The following MAP3K3 variants were observed in gnomAD, a reference collection of about 807,000 sequenced individuals.
MAP3K3 encodes MAP/ERK kinase kinase 3.
MAP3K3 carries 12 observed loss-of-function variants against 80.9 expected under a neutral mutation model. The observed-to-expected ratio is 0.15, with a 90% CI of 0.10 to 0.24. MAP3K3 has a LOEUF of 0.24. Among genes scored for constraint, MAP3K3 ranks in the 10% least tolerant of loss-of-function variants. The pLI, the probability that MAP3K3 is intolerant of heterozygous loss-of-function variation, is 1.00. For synonymous variants in MAP3K3, 272 were observed against 307.1 expected, an observed-to-expected ratio of 0.89 and a Z score of 1.19; for missense variants, 596 against 834.7, an observed-to-expected ratio of 0.71 and a Z score of 3.52.
chr17:63,682,993 A>G (rs189068991), intron 7 of MAP3K3, among the ~76,000 whole-genome samples: 20 of 152,308 alleles, frequency 1.3e-4, no homozygotes, highest in African/African-American at 4.6e-4. Flanking sequence ...GCAAATGGCA[A>G]TTTGGCTTAG....
chr17:63,652,757 C>T, intron 4 of MAP3K3, 101 bp downstream of exon 4: 1 of 724,060 alleles, frequency 1.4e-6, no homozygotes, highest in Non-Finnish European at 2.3e-6. Context: ...CTAATATCAT[C>T]TGCAGGTTTT....
intron 7 of MAP3K3, among the ~76,000 whole-genome samples, chr17:63,684,170 C>T (rs571904786): frequency 3.5e-4 from 53 of 152,130 alleles, no homozygotes; most frequent in Non-Finnish European, 7.4e-4. Flanking sequence ...AATGCTAGCA[C>T]AATGTAACGT....
Position 63,685,543 on chromosome 17 carries a change from A to G in MAP3K3, c.663A>G (p.Glu221=). The G allele has an allele frequency of 3.1e-6, 5 of 1,614,226 alleles. No individual in the cohort carries two copies. Among genetic ancestry groups the G allele is most frequent in the Non-Finnish European group, 4.2e-6 (5 of 1,180,026 alleles). ...QCMLDPLSSA[E]NSLSGSCQSL... The stretch of plus-strand genomic sequence containing the variant: ...TGCTGGATCCCCTGAGCAGTGCAGA[A>G]AATTCCTTGTCTGGAAGCTGCCAAT... Residue 221 remains glutamate, a synonymous_variant, in exon 8 of 16, where the codon GAA becomes GAG. Transcript: ENST00000361733.
chr17:63,674,956 C>A (rs2035186727), intron 6 of MAP3K3, among the ~76,000 whole-genome samples: 1 of 152,140 alleles, frequency 6.6e-6, no homozygotes, highest in African/African-American at 2.4e-5. Flanking sequence ...GCTTCCAGTC[C>A]TAGTACCGAT....
At chr17:63,643,323 G>A (rs1446297614) in intron 2 of MAP3K3, among the ~76,000 whole-genome samples, 1 of 151,888 alleles carries the variant, frequency 6.6e-6, no homozygotes, top group Non-Finnish European at 1.5e-5. Flanking sequence ...GGGCAACATG[G>A]CAAGACCCCA....
At chr17:63,664,559 A>G (rs2034963088) in intron 5 of MAP3K3, among the ~76,000 whole-genome samples, 1 of 152,180 alleles carries the variant, frequency 6.6e-6, no homozygotes, top group Admixed American at 6.5e-5. Flanking sequence ...GACTTTTGTA[A>G]CTTATTTTTC....
At chr17:63,662,650 ATTTT>A (rs1192833142) in intron 5 of MAP3K3, among the ~76,000 whole-genome samples, 1 of 82,562 alleles carries the variant, frequency 1.2e-5, no homozygotes, top group Non-Finnish European at 2.2e-5. Context: ...AGAAGAGGGA[ATTTT>A]TTTTTTTTTT....
At position 63,671,589 on chromosome 17, in the gene MAP3K3, C is replaced by T. The variant is rs989516425; in HGVS notation, c.502+4529C>T. On this transcript the variant is annotated intron_variant, in intron 6 of 15. Coordinates refer to ENST00000361733, the MANE Select transcript of MAP3K3 (RefSeq NM_002401.5). ...TTTTCATAATCATGCTAAGACATGA[C>T]ACTCAATTCTCTCACAAGGGTACAA... Among the ~76,000 whole-genome samples the T allele has an allele frequency of 2.6e-5, 4 of 152,118 alleles. No homozygotes were observed. In the East Asian group the frequency reaches 7.7e-4, roughly 29 times the overall value.
Position 63,691,701 on chromosome 17 carries a change from A to C in MAP3K3, c.1345-32A>C, listed in dbSNP as rs772585551. 10 of 1,605,116 alleles carry C rather than the reference A, an allele frequency of 6.2e-6. No homozygotes were observed. Among genetic ancestry groups the C allele is most frequent in the Non-Finnish European group, 7.7e-6 (9 of 1,173,532 alleles). On this transcript the variant is annotated intron_variant, in intron 13 of 15. Transcript: ENST00000361733. This position sits in a 1 kb window ranked among gnomAD's most constrained non-coding sequence, Gnocchi z 4.8. Reference sequence around the variant, plus strand: ...TTGCCCCTCCACCAGCCCTCCCCTGAGGGGACTCCTCTGACTTCTTGTGGC... The same window carrying C: ...TTGCCCCTCCACCAGCCCTCCCCTGCGGGGACTCCTCTGACTTCTTGTGGC...
Position 63,681,755 on chromosome 17 carries a change from A to G in MAP3K3, c.503-11A>G, listed in dbSNP as rs201086636. ...GGCTCTGTTGTTGAAAGCCTCCTTT[A>G]TGTGCTCTAGGCTCCCAGAACCCTG... On this transcript the variant is annotated splice_polypyrimidine_tract_variant and intron_variant, in intron 6 of 15. Transcript: ENST00000361733. 5 of 1,441,566 alleles carry G rather than the reference A, an allele frequency of 3.5e-6. No individual in the cohort carries two copies. The highest frequency in any genetic ancestry group is 3.8e-4 in the Middle Eastern group (2 of 5,310). 89.3% of individuals were successfully genotyped at this position (1,441,566 alleles called of 1,614,324 possible).
chr17:63,681,697 C>G, intron 6 of MAP3K3, 69 bp from the exon 7 acceptor site: 1 of 1,332,790 alleles, frequency 7.5e-7, no homozygotes, highest in Non-Finnish European at 9.8e-7. Context: ...AATAGTTGGC[C>G]CCATGCCTGC....
chr17:63,647,662 T>C (rs2034566353), intron 3 of MAP3K3, among the ~76,000 whole-genome samples: 1 of 152,202 alleles, frequency 6.6e-6, no homozygotes, highest in African/African-American at 2.4e-5. Flanking sequence ...CGGAGCTGTT[T>C]TCAGGAGCCA....
chr17:63,690,789 C>T (rs1035600906), intron 12 of MAP3K3, among the ~76,000 whole-genome samples: 1 of 152,186 alleles, frequency 6.6e-6, no homozygotes, highest in African/African-American at 2.4e-5. Context: ...AATCATATGG[C>T]CTGTCTTTGC....
chr17:63,681,766 G>T lies in MAP3K3; in HGVS notation c.503G>T (p.Ser168Ile). ...PEPRSRHLSVSSQNPGRSSPP... is the reference protein window; with the variant it reads ...PEPRSRHLSVISQNPGRSSPP... ...TGAAAGCCTCCTTTATGTGCTCTAGGCTCCCAGAACCCTGGCCGAAGCTCA... is the reference window on the plus strand; with the variant it reads ...TGAAAGCCTCCTTTATGTGCTCTAGTCTCCCAGAACCCTGGCCGAAGCTCA... Residue 168 changes from serine to isoleucine, a missense_variant and splice_region_variant, in exon 7 of 16, where the codon AGC becomes ATC. By Grantham distance (142) the Ser-to-Ile change is moderately radical (BLOSUM62 -2). Coordinates refer to ENST00000361733, the MANE Select transcript of MAP3K3 (RefSeq NM_002401.5). The T allele has an allele frequency of 6.7e-7, 1 of 1,484,846 alleles. No homozygotes were observed. The allele number at this position is 1,484,846 out of a possible 1,614,324, so 92.0% of individuals were successfully genotyped here.
intron 4 of MAP3K3, 33 bp downstream of exon 4, chr17:63,652,689 A>G: frequency 7.2e-7 from 1 of 1,396,394 alleles, no homozygotes; most frequent in Non-Finnish European, 1.0e-6. Flanking sequence ...CAGGGACAAG[A>G]GGGGCAGATG....
chr17:63,653,629 A>G (rs1057095777), intron 4 of MAP3K3, among the ~76,000 whole-genome samples: 2 of 152,226 alleles, frequency 1.3e-5, no homozygotes, highest in Non-Finnish European at 2.9e-5. Context: ...GGAGTTGACT[A>G]ACTTACATTT....
intron 3 of MAP3K3, among the ~76,000 whole-genome samples, chr17:63,649,073 G>A (rs1019153127): frequency 2.0e-5 from 3 of 152,246 alleles, no homozygotes; most frequent in Admixed American, 2.0e-4. Context: ...TACACATATG[G>A]CTGCTGTACA....
intron 9 of MAP3K3, 54 bp downstream of exon 9, chr17:63,688,648 G>GGT (rs958474354): frequency 6.4e-7 from 1 of 1,556,976 alleles, no homozygotes; most frequent in African/African-American, 1.4e-5. Flanking sequence ...TGGGGCCTCA[G>GGT]GTGGCTCTGC....
rs1555691499 is a variant in MAP3K3, at chr17:63,670,605, A to AAG, written c.502+3546_502+3547insGA. ...CTGTCTCAAAAAAAAAAAAAAAAAA[A>AAG]AAAGAAAGAAAGAAAGAAATGGTGG... On this transcript the variant is annotated intron_variant, in intron 6 of 15. Transcript: ENST00000361733. Among the ~76,000 whole-genome samples the AAG allele has an allele frequency of 6.6e-4, 89 of 133,844 alleles. 1 individual carries two copies. The highest frequency in any genetic ancestry group is 4.2e-3 in the Middle Eastern group (1 of 240). The allele number at this position is 133,844 out of a possible 152,430, so 87.8% of individuals were successfully genotyped here. A position where few individuals can be genotyped will look rare whatever the true frequency, so the allele number is the denominator to read the frequency against.
Sources: gnomAD v4.1 joint callset for allele counts (sites outside exome capture counted in the v4.1 genomes callset) on GRCh38, gnomAD v4.1.1 for gene constraint, Gnocchi (gnomAD v3.1) non-coding constraint, MANE v1.5 for transcripts, NCBI Gene and HGNC (gene_info 2026-07-23, HGNC 2026-07-21) for gene names.